The following LMAN2 variants were observed in gnomAD, a reference collection of about 807,000 sequenced individuals.
LMAN2 encodes vesicular integral-membrane protein VIP36.
A neutral mutation model predicts 39.3 loss-of-function variants in LMAN2; 22 were observed. The ratio of observed to expected loss-of-function variants is 0.56; its 90% confidence interval spans 0.40 to 0.80. LMAN2 has a LOEUF of 0.80. Among genes scored for constraint, LMAN2 ranks in the 30% least tolerant of loss-of-function variants. The probability of loss-of-function intolerance (pLI) is 0.00; values close to 1 mark genes in which losing one functional copy is unlikely to be tolerated. For synonymous variants in LMAN2, 207 were observed against 207.8 expected, an observed-to-expected ratio of 1.00 and a Z score of 0.03; for missense variants, 494 against 505.4, an observed-to-expected ratio of 0.98 and a Z score of 0.22.
intron 2 of LMAN2, chr5:177,346,441 T>C (rs78238215): frequency 3.3e-4 from 132 of 399,452 alleles, no homozygotes; most frequent in Non-Finnish European, 4.9e-4. Flanking sequence ...ACTATTTTAA[T>C]AAATTGATTA....
rs201281402 is a variant in LMAN2, at chr5:177,334,291, C to T, written c.903G>A (p.Ser301=). The change falls in exon 7 of 8, where the codon TCG becomes TCA. Residue 301 remains serine (S), a synonymous_variant. Coordinates refer to ENST00000303127, the MANE Select transcript of LMAN2 (RefSeq NM_006816.3). ...GGGGCTGTGCACACGCACCTTTGGG[C>T]GACTTGAGGAAGTTGACGCTGGGCT... is the stretch of plus-strand genomic sequence containing the variant. The part of the protein sequence containing the change: ...KIEPSVNFLK[S]PKDNVDDPTG... The T allele has an allele frequency of 3.1e-5, 50 of 1,611,634 alleles. 1 individual carries two copies. Among genetic ancestry groups the T allele is most frequent in the South Asian group, 2.3e-4 (21 of 90,968 alleles).
chr5:177,348,269 AATT>A (rs1761666040), intron 2 of LMAN2, among the ~76,000 whole-genome samples: 2 of 152,364 alleles, frequency 1.3e-5, no homozygotes, highest in Admixed American at 6.5e-5. Flanking sequence ...GAAAAGTTTA[AATT>A]ATTATATTAA....
intron 2 of LMAN2, among the ~76,000 whole-genome samples, chr5:177,340,671 G>A (rs1761536693): frequency 6.6e-6 from 1 of 152,058 alleles, no homozygotes; most frequent in African/African-American, 2.4e-5. Flanking sequence ...TTGGGAGGCT[G>A]AGGCGGGAGA....
chr5:177,339,613 A>T (rs1761523700), intron 2 of LMAN2, among the ~76,000 whole-genome samples: 1 of 152,232 alleles, frequency 6.6e-6, no homozygotes, highest in Non-Finnish European at 1.5e-5. Flanking sequence ...ACAAAGACCC[A>T]TCACAAAGGC....
rs1761439329 is a variant in LMAN2 at position 177,334,423 on chromosome 5, C to T, written c.791-20G>A. The T allele has an allele frequency of 6.2e-7, 1 of 1,607,050 alleles. No individual in the cohort carries two copies. Among genetic ancestry groups the T allele is most frequent in the Non-Finnish European group, 8.5e-7 (1 of 1,177,628 alleles). ...GATTGTCTGCAGGACCAAGAATAAACCTGTGACAGCCTACAGGCCAGCCGC... is the reference window on the plus strand; with the variant it reads ...GATTGTCTGCAGGACCAAGAATAAATCTGTGACAGCCTACAGGCCAGCCGC... On this transcript the variant is annotated intron_variant, in intron 6 of 7. Transcript: ENST00000303127.
At position 177,340,834 on chromosome 5, in the gene LMAN2, G is replaced by C. The variant is rs552742310; in HGVS notation, c.316-2229C>G. Among the ~76,000 whole-genome samples, 20 of 150,458 alleles carry C rather than the reference G, an allele frequency of 1.3e-4. No individual in the cohort carries two copies. The South Asian group carries it at 4.0e-3, about 30-fold the overall frequency. ...CAGTGGCACAATCTCTGCTCACTGCGAGCTCTGCCTCCCGGGTTCACGCCA... is the reference window on the plus strand; with the variant it reads ...CAGTGGCACAATCTCTGCTCACTGCCAGCTCTGCCTCCCGGGTTCACGCCA... On this transcript the variant is annotated intron_variant, in intron 2 of 7. Coordinates refer to ENST00000303127, the MANE Select transcript of LMAN2 (RefSeq NM_006816.3).
chr5:177,336,907 C>T, intron 6 of LMAN2: 2 of 581,590 alleles, frequency 3.4e-6, no homozygotes, highest in Non-Finnish European at 6.1e-6. Context: ...GGAACTGAGG[C>T]CCGGACAGGC....
intron 2 of LMAN2, among the ~76,000 whole-genome samples, chr5:177,338,922 A>T (rs1395159293): frequency 1.3e-5 from 2 of 152,220 alleles, no homozygotes; most frequent in African/African-American, 4.8e-5. Context: ...CACCCTCATT[A>T]CCAGCCAAAC....
intron 2 of LMAN2, among the ~76,000 whole-genome samples, chr5:177,342,176 G>A (rs1474384134): frequency 6.6e-6 from 1 of 152,114 alleles, no homozygotes; most frequent in African/African-American, 2.4e-5. Flanking sequence ...AACGGCATGT[G>A]AATTTATAAT....
At position 177,334,466 on chromosome 5, in the gene LMAN2, AC is replaced by A. The variant is rs1253579018; in HGVS notation, c.791-64del. On this transcript the variant is annotated intron_variant, in intron 6 of 7. Transcript: ENST00000303127. The stretch of plus-strand genomic sequence containing the variant: ...CCAGCCGCAGGGCACGTGGCCCAAG[AC>A]CCTCCCACAAGGAAAGCTGCTGCTG... 19 of 1,547,292 alleles carry A rather than the reference AC, an allele frequency of 1.2e-5. No homozygotes were observed. In the East Asian group the frequency reaches 3.7e-4, roughly 30 times the overall value.
chr5:177,340,065 G>A (rs1313862162), intron 2 of LMAN2, among the ~76,000 whole-genome samples: 2 of 151,984 alleles, frequency 1.3e-5, no homozygotes, highest in Admixed American at 6.6e-5. Flanking sequence ...GAGAAATGAA[G>A]GCAAAGGAAT....
chr5:177,334,690 C>T (rs759904548), intron 6 of LMAN2: 101 of 342,824 alleles, frequency 2.9e-4, no homozygotes, highest in Non-Finnish European at 4.6e-4. Context: ...TCATGTTCCG[C>T]ACATGTAGAG....
At chr5:177,338,691 C>G (rs914063030) in intron 2 of LMAN2, 86 bp from the exon 3 acceptor site, 5 of 1,052,392 alleles carry the variant, frequency 4.8e-6, no homozygotes, top group Non-Finnish European at 7.4e-6. Flanking sequence ...CCCTGCCCCA[C>G]AGACCTCTCT....
At chr5:177,341,842 A>G (rs1761558456) in intron 2 of LMAN2, among the ~76,000 whole-genome samples, 1 of 152,240 alleles carries the variant, frequency 6.6e-6, no homozygotes, top group Non-Finnish European at 1.5e-5. Context: ...GGATCCTTGC[A>G]CTGTCCAGGA....
At position 177,337,543 on chromosome 5, in the gene LMAN2, T is replaced by C; in HGVS notation, c.514-19A>G. The stretch of plus-strand genomic sequence containing the variant: ...ACACGCGCTGGGACCAAGACATCGG[T>C]TACTCCACAAGCAGCCCAGCCTGTG... On this transcript the variant is annotated intron_variant, in intron 4 of 7. Coordinates refer to ENST00000303127, the MANE Select transcript of LMAN2 (RefSeq NM_006816.3). This position sits in a 1 kb window ranked among gnomAD's most constrained non-coding sequence, Gnocchi z 8.2. The C allele has an allele frequency of 1.9e-6, 3 of 1,612,004 alleles. No homozygotes were observed. The highest frequency in any genetic ancestry group is 1.7e-6 in the Non-Finnish European group (2 of 1,178,580).
In LMAN2 at chr5:177,336,902, T is replaced by C. The variant is rs1382758092; in HGVS notation, c.790+234A>G. On this transcript the variant is annotated intron_variant, in intron 6 of 7. Transcript: ENST00000303127. ...AGGTGAGCTCAGAAACCACAGGAAC[T>C]GAGGCCCGGACAGGCCATTTACAGA... is the stretch of plus-strand genomic sequence containing the variant. The C allele has an allele frequency of 2.5e-5, 14 of 559,110 alleles. No individual in the cohort carries two copies. The East Asian group carries it at 3.9e-4, about 16-fold the overall frequency. The allele number at this position is 559,110 out of a possible 1,614,324, so 34.6% of individuals were successfully genotyped here.
Position 177,337,415 on chromosome 5 carries a change from T to C in LMAN2, c.623A>G (p.Asn208Ser), listed in dbSNP as rs556566413. 9 of 1,613,304 alleles carry C rather than the reference T, an allele frequency of 5.6e-6. No homozygotes were observed. The East Asian group carries it at 1.8e-4, about 32-fold the overall frequency. The change falls in exon 5 of 8, where the codon AAC becomes AGC. Residue 208 changes from asparagine to serine, a missense_variant. Asn to Ser is a conservative substitution (Grantham distance 46). Transcript: ENST00000303127. This position sits in a 1 kb window ranked among gnomAD's most constrained non-coding sequence, Gnocchi z 8.2. ...ELAGCTADFRNRDHDTFLAVR... is the reference protein window; with the variant it reads ...ELAGCTADFRSRDHDTFLAVR... ...AGCCAGGAAGGTGTCGTGATCGCGG[T>C]TGCGGAAGTCAGCCGTGCAGCCCGC...
intron 6 of LMAN2, chr5:177,336,934 G>A: frequency 1.0e-5 from 6 of 588,986 alleles, no homozygotes; most frequent in Non-Finnish European, 1.8e-5. Flanking sequence ...CAGAAGAAAG[G>A]AGGAGGAGGA....
chr5:177,343,055 C>G (rs927387130), intron 2 of LMAN2, among the ~76,000 whole-genome samples: 1 of 151,952 alleles, frequency 6.6e-6, no homozygotes, highest in Non-Finnish European at 1.5e-5. Context: ...AGATGGAGAC[C>G]GTCCTGGCTA....
Sources: gnomAD v4.1 joint callset for allele counts (sites outside exome capture counted in the v4.1 genomes callset) on GRCh38, gnomAD v4.1.1 for gene constraint, Gnocchi (gnomAD v3.1) non-coding constraint, MANE v1.5 for transcripts, NCBI Gene and HGNC (gene_info 2026-07-23, HGNC 2026-07-21) for gene names.